Variants in MAP2K5 observed in about 807,000 individuals in gnomAD.
MAP2K5 encodes the protein mitogen-activated protein kinase kinase 5.
MAP2K5 carries 49 observed loss-of-function variants against 83.1 expected under a neutral mutation model. The ratio of observed to expected loss-of-function variants is 0.59; its 90% CI spans 0.47 to 0.75. The LOEUF is 0.75. MAP2K5 is among the 30% of genes least tolerant of loss of function. The pLI is 0.00. For synonymous variants in MAP2K5, 202 were observed against 191.8 expected, an observed-to-expected ratio of 1.05 and a Z score of -0.44; for missense variants, 457 against 557.5, an observed-to-expected ratio of 0.82 and a Z score of 1.82.
chr15:67,599,638 C>G (rs528738731), intron 7 of MAP2K5, among the ~76,000 whole-genome samples: 1 of 151,202 alleles, frequency 6.6e-6, no homozygotes, highest in East Asian at 1.9e-4. Flanking sequence ...ATTAAAAACT[C>G]CATCCATTTT....
At chr15:67,796,509 T>A (rs149804924) in intron 21 of MAP2K5, among the ~76,000 whole-genome samples, 2 of 152,170 alleles carry the variant, frequency 1.3e-5, no homozygotes, top group African/African-American at 4.8e-5. Context: ...CCACACACTT[T>A]TAAAGGATCA....
At chr15:67,586,564 A>G (rs768167274) in intron 5 of MAP2K5, among the ~76,000 whole-genome samples, 11 of 152,116 alleles carry the variant, frequency 7.2e-5, no homozygotes, top group African/African-American at 7.2e-5. Context: ...TACTGTTTTT[A>G]TATGTATTCT....
intron 13 of MAP2K5, among the ~76,000 whole-genome samples, chr15:67,673,415 TA>T (rs2087597165): frequency 6.6e-6 from 1 of 152,164 alleles, no homozygotes; most frequent in Admixed American, 6.5e-5. Flanking sequence ...ATTTTAAGAT[TA>T]AAAATGTTAT....
intron 17 of MAP2K5, among the ~76,000 whole-genome samples, chr15:67,744,490 C>T (rs2089561135): frequency 6.6e-6 from 1 of 152,152 alleles, no homozygotes; most frequent in African/African-American, 2.4e-5. Context: ...ATAAATCTTC[C>T]AGACAAGAGC....
intron 21 of MAP2K5, among the ~76,000 whole-genome samples, chr15:67,787,253 G>T (rs1227151952): frequency 6.6e-6 from 1 of 152,228 alleles, no homozygotes; most frequent in Non-Finnish European, 1.5e-5. Flanking sequence ...TTTTGCGAAG[G>T]TCTCTAGCCA....
chr15:67,641,141 A>G (rs1482548898), intron 9 of MAP2K5, among the ~76,000 whole-genome samples: 1 of 152,234 alleles, frequency 6.6e-6, no homozygotes, highest in Non-Finnish European at 1.5e-5. Context: ...GGAGGATTTA[A>G]TAGATTTCCC....
chr15:67,687,508 G>A (rs1324169345), intron 13 of MAP2K5, among the ~76,000 whole-genome samples: 1 of 152,130 alleles, frequency 6.6e-6, no homozygotes, highest in Non-Finnish European at 1.5e-5. Flanking sequence ...CATGCTCCTG[G>A]AGGCCAGAGA....
Position 67,772,257 on chromosome 15 carries a change from G to A in MAP2K5, c.1197-450G>A, listed in dbSNP as rs537201196. On this transcript the variant is annotated intron_variant, in intron 20 of 21. Transcript: ENST00000178640. ...CGGAGTAACAGTGAAAGAATGAGATGTATTCTCATTTGACTCTACAGTCAT... is the reference window on the plus strand; with the variant it reads ...CGGAGTAACAGTGAAAGAATGAGATATATTCTCATTTGACTCTACAGTCAT... Among the ~76,000 whole-genome samples, 18 of 152,078 alleles carry A rather than the reference G, an allele frequency of 1.2e-4. No individual in the cohort carries two copies. In the East Asian group the frequency reaches 2.9e-3, roughly 24 times the overall value.
chr15:67,659,690 A>G (rs1322141649), intron 12 of MAP2K5, among the ~76,000 whole-genome samples: 2 of 152,250 alleles, frequency 1.3e-5, no homozygotes, highest in Non-Finnish European at 2.9e-5. Flanking sequence ...TCTTGGCTGT[A>G]AAGTTTAATA....
intron 19 of MAP2K5, among the ~76,000 whole-genome samples, chr15:67,751,565 C>G (rs566366055): frequency 6.6e-6 from 1 of 152,280 alleles, no homozygotes; most frequent in East Asian, 1.9e-4. Flanking sequence ...AAGTCGGCCC[C>G]TATTGTCTAG....
Position 67,736,163 on chromosome 15 carries a change from A to G in MAP2K5, c.1074+8218A>G, listed in dbSNP as rs541891578. Among the ~76,000 whole-genome samples, 1 of 152,312 alleles carries G rather than the reference A, an allele frequency of 6.6e-6. No homozygotes were observed. Among genetic ancestry groups the G allele is most frequent in the Non-Finnish European group, 1.5e-5 (1 of 68,026 alleles). On this transcript the variant is annotated intron_variant, in intron 17 of 21. Transcript: ENST00000178640. The surrounding 1 kb of genome is among the most constrained non-coding windows in gnomAD (Gnocchi z 4.3). ...TAGAGGAGGGAGGTAATGTGTCAGG[A>G]TGGAGATGGCAAGTGTAGCAGGGAC...
rs540715585 is a variant in MAP2K5, at chr15:67,594,962, G to A, written c.480+1988G>A. On this transcript the variant is annotated intron_variant, in intron 7 of 21. Coordinates refer to ENST00000178640, the MANE Select transcript of MAP2K5 (RefSeq NM_145160.3). Reference sequence around the variant, plus strand: ...CAGTTGTAGGCATCAATAAATTTCTGGGCTGAACACTGACACCACTTGATA... The same window carrying A: ...CAGTTGTAGGCATCAATAAATTTCTAGGCTGAACACTGACACCACTTGATA... Among the ~76,000 whole-genome samples the A allele has an allele frequency of 2.1e-3, 323 of 152,150 alleles. 1 individual carries two copies. Among genetic ancestry groups the A allele is most frequent in the African/African-American group, 7.2e-3 (300 of 41,524 alleles).
intron 6 of MAP2K5, among the ~76,000 whole-genome samples, chr15:67,590,635 T>C (rs1039730381): frequency 2.0e-5 from 3 of 152,154 alleles, no homozygotes; most frequent in Admixed American, 6.5e-5. Context: ...TAATTTTTTT[T>C]AGAGATGGGG....
intron 11 of MAP2K5, among the ~76,000 whole-genome samples, chr15:67,648,114 A>C (rs2086869197): frequency 6.6e-6 from 1 of 152,214 alleles, no homozygotes; most frequent in African/African-American, 2.4e-5. Context: ...AAAAGTGTAC[A>C]ATTCCATGGT....
rs1264911294 is a variant in MAP2K5 at position 67,637,984 on chromosome 15, T to C, written c.585+7057T>C. On this transcript the variant is annotated intron_variant, in intron 9 of 21. Transcript: ENST00000178640. The surrounding 1 kb of genome is among the most constrained non-coding windows in gnomAD (Gnocchi z 4.5). ...TTTTTTTTAATTTAACTTTTAACTTTTTTAACTTTTAATTTAACTTTTTTT... is the reference window on the plus strand; with the variant it reads ...TTTTTTTTAATTTAACTTTTAACTTCTTTAACTTTTAATTTAACTTTTTTT... Among the ~76,000 whole-genome samples, 1 of 151,974 alleles carries C rather than the reference T, an allele frequency of 6.6e-6. No individual in the cohort carries two copies. The highest frequency in any genetic ancestry group is 1.5e-5 in the Non-Finnish European group (1 of 67,984).
At chr15:67,669,549 A>G (rs866547011) in intron 13 of MAP2K5, among the ~76,000 whole-genome samples, 20 of 152,286 alleles carry the variant, frequency 1.3e-4, no homozygotes, top group Non-Finnish European at 2.2e-4. Flanking sequence ...AGACAAGAGT[A>G]GAATCAGCTG....
rs753407439 is a variant in MAP2K5, at chr15:67,698,175, C to G, written c.972+4607C>G. Reference sequence around the variant, plus strand: ...AACTTGGAGCTTATATTAAATTAACCATTTTTCAGAAATTCTTTATTTTTT... The same window carrying G: ...AACTTGGAGCTTATATTAAATTAACGATTTTTCAGAAATTCTTTATTTTTT... On this transcript the variant is annotated intron_variant, in intron 15 of 21. Transcript: ENST00000178640. This position sits in a 1 kb window ranked among gnomAD's most constrained non-coding sequence, Gnocchi z 4.5. Among the ~76,000 whole-genome samples the G allele has an allele frequency of 6.6e-6, 1 of 151,810 alleles. No homozygotes were observed. The highest frequency in any genetic ancestry group is 1.5e-5 in the Non-Finnish European group (1 of 67,886).
At chr15:67,569,121 T>C (rs1328235610) in intron 3 of MAP2K5, among the ~76,000 whole-genome samples, 1 of 152,182 alleles carries the variant, frequency 6.6e-6, no homozygotes. Flanking sequence ...CATTGTCCAT[T>C]TAGAAGTTGA....
chr15:67,604,054 A>G (rs117614006), intron 8 of MAP2K5, among the ~76,000 whole-genome samples: 4 of 152,376 alleles, frequency 2.6e-5, no homozygotes, highest in Non-Finnish European at 5.9e-5. Context: ...TACAATGTAT[A>G]TGATTTAACA....
Sources: gnomAD v4.1 joint callset for allele counts (sites outside exome capture counted in the v4.1 genomes callset) on GRCh38, gnomAD v4.1.1 for gene constraint, Gnocchi (gnomAD v3.1) non-coding constraint, MANE v1.5 for transcripts, NCBI Gene and HGNC (gene_info 2026-07-23, HGNC 2026-07-21) for gene names.